Variants in CSMD1 observed in about 807,000 individuals in gnomAD.
CSMD1 encodes the protein CUB and sushi domain-containing protein 1.
In CSMD1, 213 loss-of-function variants were observed where a neutral mutation model predicts 417.5. The observed-to-expected ratio is 0.51, with a 90% CI of 0.46 to 0.57. The LOEUF is 0.57. Ranked by LOEUF, CSMD1 falls within the 20% of genes least tolerant of loss-of-function variation. The pLI, the probability that CSMD1 is intolerant of heterozygous loss-of-function variation, is 0.00. For synonymous variants in CSMD1, 2,862 were observed against 1,736.8 expected, an observed-to-expected ratio of 1.65 and a Z score of -16.11; for missense variants, 6,923 against 4,529.7, an observed-to-expected ratio of 1.53 and a Z score of -15.17.
chr8:4,657,374 T>C (rs940618241), intron 1 of CSMD1, among the ~76,000 whole-genome samples: 1 of 152,198 alleles, frequency 6.6e-6, no homozygotes, highest in African/African-American at 2.4e-5. Flanking sequence ...ATTTCCTTTC[T>C]GCCTCTCTTT....
chr8:3,939,390 G>T (rs1008340668), intron 5 of CSMD1, among the ~76,000 whole-genome samples: 2 of 152,082 alleles, frequency 1.3e-5, no homozygotes, highest in African/African-American at 4.8e-5. Flanking sequence ...GGTGAAAAGG[G>T]AACACTTTTA....
At chr8:4,430,739 A>G (rs1797827348) in intron 2 of CSMD1, among the ~76,000 whole-genome samples, 1 of 152,142 alleles carries the variant, frequency 6.6e-6, no homozygotes, top group African/African-American at 2.4e-5. Context: ...AGCATGAAAC[A>G]GCATCCACAT....
chr8:4,091,760 A>T (rs1800732893), intron 3 of CSMD1, among the ~76,000 whole-genome samples: 1 of 152,232 alleles, frequency 6.6e-6, no homozygotes, highest in Admixed American at 6.5e-5. Context: ...CCTGTATTTA[A>T]CATATTCTAC....
chr8:4,403,746 C>A (rs1249160051), intron 3 of CSMD1, among the ~76,000 whole-genome samples: 1 of 152,176 alleles, frequency 6.6e-6, no homozygotes, highest in Non-Finnish European at 1.5e-5. Flanking sequence ...CCTCATCTTA[C>A]TGCTAGCAAC....
At chr8:4,489,776 C>T (rs78860201) in intron 2 of CSMD1, among the ~76,000 whole-genome samples, 13,480 of 152,190 alleles carry the variant, frequency 0.089, 790 homozygotes, top group East Asian at 0.19. Flanking sequence ...CCATGAAAAG[C>T]AGATCCTTCT....
At chr8:4,575,806 G>C (rs1052670390) in intron 2 of CSMD1, among the ~76,000 whole-genome samples, 2 of 152,174 alleles carry the variant, frequency 1.3e-5, no homozygotes, top group African/African-American at 4.8e-5. Flanking sequence ...GCAATAACAA[G>C]CTAGTCTGAG....
intron 5 of CSMD1, among the ~76,000 whole-genome samples, chr8:3,955,159 ACTGTCCTC>A (rs1395809408): frequency 1.3e-5 from 2 of 152,234 alleles, no homozygotes; most frequent in South Asian, 4.1e-4. Context: ...AGAAGCACTG[ACTGTCCTC>A]CTGTCCTCCA....
At chr8:4,254,939 A>T (rs572966905) in intron 3 of CSMD1, among the ~76,000 whole-genome samples, 9 of 152,294 alleles carry the variant, frequency 5.9e-5, no homozygotes, top group African/African-American at 1.9e-4. Context: ...ACTAATCAAC[A>T]CATGACTGGA....
At chr8:3,958,878 G>A (rs73178017) in intron 5 of CSMD1, among the ~76,000 whole-genome samples, 1 of 152,158 alleles carries the variant, frequency 6.6e-6, no homozygotes, top group East Asian at 1.9e-4. Flanking sequence ...TGGAAAAAGA[G>A]AACAGATATT....
At chr8:4,658,324 A>G (rs746833450) in intron 1 of CSMD1, among the ~76,000 whole-genome samples, 1 of 152,148 alleles carries the variant, frequency 6.6e-6, no homozygotes, top group Non-Finnish European at 1.5e-5. Context: ...GAAAGACAAA[A>G]ACAAAGATTG....
rs114591357 is a variant in CSMD1 at position 4,847,685 on chromosome 8, G to C, written c.85+146647C>G. Among the ~76,000 whole-genome samples, 664 of 151,690 alleles carry C rather than the reference G, an allele frequency of 4.4e-3. 5 individuals are homozygous for C. Among genetic ancestry groups the C allele is most frequent in the African/African-American group, 0.016 (642 of 41,360 alleles). On this transcript the variant is annotated intron_variant, in intron 1 of 69. Coordinates refer to ENST00000635120, the MANE Select transcript of CSMD1 (RefSeq NM_033225.6). ...TCTCCTTAAGCTCTTCAATGACTAT[G>C]ATAGTTTCCTGACTTTTCTTGTTCT...
At chr8:4,833,422 T>C (rs1395642933) in intron 1 of CSMD1, among the ~76,000 whole-genome samples, 1 of 152,220 alleles carries the variant, frequency 6.6e-6, no homozygotes, top group East Asian at 1.9e-4. Flanking sequence ...AAGAGGAAAA[T>C]CTGCCCCCAT....
chr8:4,740,465 C>T (rs1810531615), intron 1 of CSMD1, among the ~76,000 whole-genome samples: 1 of 152,076 alleles, frequency 6.6e-6, no homozygotes, highest in African/African-American at 2.4e-5. Flanking sequence ...TAGAGACAGG[C>T]TGGGATGTGT....
chr8:3,820,968 G>A (rs558235102), intron 5 of CSMD1, among the ~76,000 whole-genome samples: 2 of 152,164 alleles, frequency 1.3e-5, no homozygotes, highest in African/African-American at 4.8e-5. Flanking sequence ...CCAAGCTGGA[G>A]TGCAATGGTG....
chr8:3,977,947 G>A (rs1238818468), intron 5 of CSMD1, among the ~76,000 whole-genome samples: 7 of 152,176 alleles, frequency 4.6e-5, no homozygotes, highest in Non-Finnish European at 7.3e-5. Context: ...GAGGTCATGT[G>A]CACGGCTGCC....
At chr8:4,407,686 T>C (rs1274011131) in intron 3 of CSMD1, among the ~76,000 whole-genome samples, 1 of 152,182 alleles carries the variant, frequency 6.6e-6, no homozygotes, top group Non-Finnish European at 1.5e-5. Context: ...CAAATTTAAA[T>C]TTGTTATCAC....
chr8:4,039,612 G>A (rs372835703), intron 3 of CSMD1, among the ~76,000 whole-genome samples: 38 of 152,284 alleles, frequency 2.5e-4, no homozygotes, highest in South Asian at 2.1e-3. Flanking sequence ...TCTCCAGGAT[G>A]AGGAATGACA....
At chr8:3,341,903 G>A (rs1460070809) in intron 23 of CSMD1, among the ~76,000 whole-genome samples, 4 of 152,110 alleles carry the variant, frequency 2.6e-5, no homozygotes, top group Non-Finnish European at 2.9e-5. Flanking sequence ...TGAACATCTC[G>A]ACAGGGACGA....
intron 3 of CSMD1, among the ~76,000 whole-genome samples, chr8:4,165,755 C>G (rs116362203): frequency 0.017 from 2,580 of 152,284 alleles, 85 homozygotes; most frequent in African/African-American, 0.059. Context: ...TCATTTCTTC[C>G]TGGTCATGCC....
Sources: gnomAD v4.1 joint callset for allele counts (sites outside exome capture counted in the v4.1 genomes callset) on GRCh38, gnomAD v4.1.1 for gene constraint, MANE v1.5 for transcripts, NCBI Gene and HGNC (gene_info 2026-07-23, HGNC 2026-07-21) for gene names.